Variants in DRC8 observed in about 807,000 individuals in gnomAD.
The protein encoded by DRC8 is dynein regulatory complex protein 8.
the DRC8 span, among the ~76,000 whole-genome samples, chr1:245,089,157 G>A: frequency 3.9e-5 from 6 of 152,114 alleles, no homozygotes; most frequent in Non-Finnish European, 5.9e-5. The surrounding 1 kb of genome is among the most constrained non-coding windows in gnomAD (Gnocchi z 4.8). Flanking sequence ...TGGCTCGGAC[G>A]ATGGGTAAAA....
At chr1:245,012,120 C>T in the DRC8 span, among the ~76,000 whole-genome samples, 22 of 152,118 alleles carry the variant, frequency 1.4e-4, no homozygotes, top group Admixed American at 3.9e-4. Flanking sequence ...GCACTTTAAT[C>T]AGAGTGCCAT....
chr1:245,122,070 T>C, the DRC8 span: 14 of 280,830 alleles, frequency 5.0e-5, no homozygotes, highest in Non-Finnish European at 8.9e-5. Flanking sequence ...GGCTAATTTC[T>C]GTATTTTTAG....
At chr1:245,008,746 G>A in the DRC8 span, among the ~76,000 whole-genome samples, 1 of 148,736 alleles carries the variant, frequency 6.7e-6, no homozygotes, top group African/African-American at 2.5e-5. Context: ...ATAGCTCACT[G>A]CAACCTTGAA....
the DRC8 span, among the ~76,000 whole-genome samples, chr1:245,085,194 C>T: frequency 6.6e-6 from 1 of 152,114 alleles, no homozygotes; most frequent in Non-Finnish European, 1.5e-5. Context: ...AAATAATTCA[C>T]AATACAAGAC....
At chr1:245,109,124 C>T in the DRC8 span, among the ~76,000 whole-genome samples, 1 of 152,156 alleles carries the variant, frequency 6.6e-6, no homozygotes, top group Non-Finnish European at 1.5e-5. Flanking sequence ...CTAGGAGTCT[C>T]GTAGAATACA....
chr1:245,041,568 G>A, the DRC8 span, among the ~76,000 whole-genome samples: 3 of 152,122 alleles, frequency 2.0e-5, no homozygotes, highest in Admixed American at 6.5e-5. Flanking sequence ...TGTCATTATT[G>A]TTATTGTTAT....
chr1:245,031,500 T>C, the DRC8 span, among the ~76,000 whole-genome samples: 1 of 151,846 alleles, frequency 6.6e-6, no homozygotes, highest in Non-Finnish European at 1.5e-5. Flanking sequence ...TTGGAAGCCA[T>C]ATGTTGAAAA....
the DRC8 span, among the ~76,000 whole-genome samples, chr1:244,986,688 C>T: frequency 2.7e-5 from 4 of 149,904 alleles, no homozygotes; most frequent in South Asian, 8.5e-4. Flanking sequence ...GAGCTATGAT[C>T]ACACCTGTGA....
chr1:245,075,976 GC>G, the DRC8 span, among the ~76,000 whole-genome samples: 1 of 152,218 alleles, frequency 6.6e-6, no homozygotes, highest in East Asian at 1.9e-4. Flanking sequence ...CACATAGCCT[GC>G]CCTCTAGACA....
At chr1:245,111,653 C>T in the DRC8 span, among the ~76,000 whole-genome samples, 3 of 152,192 alleles carry the variant, frequency 2.0e-5, no homozygotes. Context: ...TTGTAAACAT[C>T]ATGCCTGTTG....
At chr1:245,100,946 G>A in the DRC8 span, among the ~76,000 whole-genome samples, 34 of 152,146 alleles carry the variant, frequency 2.2e-4, no homozygotes, top group East Asian at 5.4e-3. Context: ...GTGCAATGGC[G>A]CAATCTTGGC....
At chr1:244,995,424 C>A in the DRC8 span, among the ~76,000 whole-genome samples, 13 of 152,050 alleles carry the variant, frequency 8.5e-5, no homozygotes, top group African/African-American at 2.9e-4. Flanking sequence ...GTGGTGCGAT[C>A]ATAGCTCACT....
the DRC8 span, among the ~76,000 whole-genome samples, chr1:245,092,820 G>C: frequency 6.6e-6 from 1 of 152,110 alleles, no homozygotes; most frequent in Non-Finnish European, 1.5e-5. Context: ...TTCCCCGGAG[G>C]TCGAGGCTAC....
the DRC8 span, among the ~76,000 whole-genome samples, chr1:245,033,561 A>C: frequency 1.3e-5 from 2 of 152,190 alleles, no homozygotes; most frequent in Admixed American, 1.3e-4. Flanking sequence ...CTCTTTATTG[A>C]GCACTCTGTT....
At chr1:245,045,522 C>G in the DRC8 span, among the ~76,000 whole-genome samples, 2 of 152,156 alleles carry the variant, frequency 1.3e-5, no homozygotes, top group African/African-American at 4.8e-5. Context: ...GTCCAAATAC[C>G]CGCTAGCAGT....
chr1:245,086,122 T>C, the DRC8 span, among the ~76,000 whole-genome samples: 4 of 152,244 alleles, frequency 2.6e-5, no homozygotes, highest in Non-Finnish European at 4.4e-5. Flanking sequence ...AGATCAACTA[T>C]TGAGTATCTC....
chr1:245,034,859 AGTT>A, the DRC8 span, among the ~76,000 whole-genome samples: 1 of 94,266 alleles, frequency 1.1e-5, no homozygotes, highest in Non-Finnish European at 2.2e-5. Flanking sequence ...AATAAATGAA[AGTT>A]TTTTTTTTTT....
chr1:245,033,655 CTTACT>C, the DRC8 span, among the ~76,000 whole-genome samples: 1 of 152,252 alleles, frequency 6.6e-6, no homozygotes, highest in Admixed American at 6.5e-5. Context: ...GTTGTTGTCT[CTTACT>C]TTATTTTTCA....
At chr1:244,970,285 C>G in the DRC8 span, 1 of 775,196 alleles carries the variant, frequency 1.3e-6, no homozygotes, top group African/African-American at 1.7e-5. Context: ...CCGCCCCGCC[C>G]AAGGGTCTTC....
Sources: gnomAD v4.1 joint callset for allele counts (sites outside exome capture counted in the v4.1 genomes callset) on GRCh38, gnomAD v4.1.1 for gene constraint, Gnocchi (gnomAD v3.1) non-coding constraint, MANE v1.5 for transcripts, NCBI Gene and HGNC (gene_info 2026-07-23, HGNC 2026-07-21) for gene names.